The following PLEKHM2 variants were observed in gnomAD, a reference collection of about 807,000 sequenced individuals.
The protein encoded by PLEKHM2 is pleckstrin homology and RUN domain containing M2.
Under a neutral mutation model 116.3 loss-of-function variants are expected in PLEKHM2, and 77 were observed. The ratio of observed to expected loss-of-function variants is 0.66; its 90% CI spans 0.55 to 0.80. PLEKHM2 has a LOEUF of 0.80. Among genes scored for constraint, PLEKHM2 ranks in the 30% least tolerant of loss-of-function variants. PLEKHM2 has a pLI of 0.00. For synonymous variants in PLEKHM2, 562 were observed against 571.0 expected, an observed-to-expected ratio of 0.98 and a Z score of 0.22; for missense variants, 1,183 against 1,354.9, an observed-to-expected ratio of 0.87 and a Z score of 1.99.
intron 8 of PLEKHM2, among the ~76,000 whole-genome samples, chr1:15,726,426 C>T (rs1288069398): frequency 6.6e-6 from 1 of 152,172 alleles, no homozygotes; most frequent in African/African-American, 2.4e-5. Context: ...CGGGGGATTG[C>T]TCCCCAGTGA....
chr1:15,732,591 CG>C lies in PLEKHM2; in HGVS notation c.2806-16del. The stretch of plus-strand genomic sequence containing the variant: ...AGAAGGAAAGCTCTGGCTGCTCACC[CG>C]GGGGCCTGGCTCTCCCTAGGAGTTC... On this transcript the variant is annotated intron_variant, in intron 18 of 19. Transcript: ENST00000375799. The C allele has an allele frequency of 6.3e-7, 1 of 1,596,852 alleles. No individual in the cohort carries two copies.
intron 1 of PLEKHM2, among the ~76,000 whole-genome samples, chr1:15,707,951 C>T (rs553510336): frequency 1.2e-4 from 18 of 152,288 alleles, no homozygotes; most frequent in African/African-American, 4.3e-4. Context: ...GTGACGTGAT[C>T]TCAGGTCACT....
At chr1:15,687,176 G>GT (rs990688665) in intron 1 of PLEKHM2, among the ~76,000 whole-genome samples, 23 of 151,182 alleles carry the variant, frequency 1.5e-4, no homozygotes, top group African/African-American at 4.6e-4. Flanking sequence ...TTTGTTTTTT[G>GT]TTTTTTTTGA....
rs368619845 is a variant in PLEKHM2 at position 15,729,206 on chromosome 1, G to C, written c.2075+16G>C. The stretch of plus-strand genomic sequence containing the variant: ...CGCTGGCTGAGTGAGTGGCAACCCC[G>C]CCCCTCTGGAAGGATTGGAGAGTTC... On this transcript the variant is annotated intron_variant, in intron 13 of 19. Coordinates refer to ENST00000375799, the MANE Select transcript of PLEKHM2 (RefSeq NM_015164.4). This position sits in a 1 kb window ranked among gnomAD's most constrained non-coding sequence, Gnocchi z 4.7. 1.7e-5 allele frequency: 27 copies of C among 1,597,804 alleles called. No homozygotes were observed. The South Asian group carries it at 2.6e-4, about 15-fold the overall frequency.
rs1317877953 is a variant in PLEKHM2 at position 15,729,913 on chromosome 1, A to T, written c.2192A>T (p.Gln731Leu). 6.2e-7 allele frequency: 1 copy of T among 1,612,150 alleles called. No individual in the cohort carries two copies. Among genetic ancestry groups the T allele is most frequent in the Non-Finnish European group, 8.5e-7 (1 of 1,179,630 alleles). ...EKLALAKFVA[Q>L]ESKCEASAVT... ...CTGGCACTGGCCAAATTTGTGGCCC[A>T]AGAATCGAAGTGTGAGGTAAGAACC... is the stretch of plus-strand genomic sequence containing the variant. The change falls in exon 14 of 20, where the codon CAA becomes CTA. Residue 731 changes from glutamine (Q) to leucine (L), a missense_variant. Physicochemically the swap from Gln to Leu is moderately radical, Grantham distance 113 (BLOSUM62 -2). Coordinates refer to ENST00000375799, the MANE Select transcript of PLEKHM2 (RefSeq NM_015164.4). The surrounding 1 kb of genome is among the most constrained non-coding windows in gnomAD (Gnocchi z 4.7).
chr1:15,724,116 AG>A (rs1021288107), intron 7 of PLEKHM2, among the ~76,000 whole-genome samples: 16 of 152,036 alleles, frequency 1.1e-4, no homozygotes, highest in Non-Finnish European at 2.4e-4. Flanking sequence ...GGGATGTCCA[AG>A]CCAGCTCCCC....
rs1285403053 is a variant in PLEKHM2 at position 15,705,165 on chromosome 1, G to T, written c.61-11072G>T. Among the ~76,000 whole-genome samples, 12 of 133,028 alleles carry T rather than the reference G, an allele frequency of 9.0e-5. 1 individual carries two copies. Among genetic ancestry groups the T allele is most frequent in the South Asian group, 5.6e-4 (2 of 3,576 alleles). 87.3% of individuals were successfully genotyped at this position (133,028 alleles called of 152,430 possible). On this transcript the variant is annotated intron_variant, in intron 1 of 19. Coordinates refer to ENST00000375799, the MANE Select transcript of PLEKHM2 (RefSeq NM_015164.4). Reference sequence around the variant, plus strand: ...GCTGTGTCCTTGATGTCTCCACGTAGATATCTTTTTTTTTTTTTTTTTTTT... The same window carrying T: ...GCTGTGTCCTTGATGTCTCCACGTATATATCTTTTTTTTTTTTTTTTTTTT...
At chr1:15,714,135 T>G (rs1266669703) in intron 1 of PLEKHM2, among the ~76,000 whole-genome samples, 2 of 151,746 alleles carry the variant, frequency 1.3e-5, no homozygotes, top group Non-Finnish European at 2.9e-5. Context: ...GAGAACGAGG[T>G]TTCACCATCT....
intron 1 of PLEKHM2, among the ~76,000 whole-genome samples, chr1:15,693,334 C>A (rs887498334): frequency 3.9e-5 from 6 of 152,244 alleles, no homozygotes; most frequent in Non-Finnish European, 5.9e-5. Context: ...AGCCATCTCA[C>A]CCGGACCCAT....
chr1:15,730,620 C>A lies in PLEKHM2; in HGVS notation c.2297C>A (p.Ser766Ter). The change falls in exon 15 of 20, where the codon TCA becomes TAA. Residue 766 changes from serine to a stop codon, truncating the protein, a stop_gained. Transcript: ENST00000375799. LOFTEE classifies it high-confidence loss of function. ...ESLGPTPCHC[S>*]PPEGTITKEG... ...CTGGGCCCCACGCCCTGCCACTGCT[C>A]ACCCCCCGAGGGCACCATCACCAAA... 1 of 1,608,020 alleles carries A rather than the reference C, an allele frequency of 6.2e-7. No individual in the cohort carries two copies. Among genetic ancestry groups the A allele is most frequent in the Non-Finnish European group, 8.5e-7 (1 of 1,177,704 alleles).
Position 15,733,899 on chromosome 1 carries a change from T to G in PLEKHM2, c.3025T>G (p.Cys1009Gly). The G allele has an allele frequency of 6.2e-7, 1 of 1,612,828 alleles. No homozygotes were observed. The highest frequency in any genetic ancestry group is 8.5e-7 in the Non-Finnish European group (1 of 1,179,812). Residue 1009 changes from cysteine to glycine, a missense_variant, in exon 20 of 20, where the codon TGC becomes GGC. Around this residue, in one of 3 missense-constraint regions of PLEKHM2, gnomAD observed 594 missense variants for 720.1 expected, o/e 0.82. Coordinates refer to ENST00000375799, the MANE Select transcript of PLEKHM2 (RefSeq NM_015164.4). ...CGCCTGGCAGCGGAGCGACAGTCTC[T>G]GCCGCGGCCGAGCCTCCCGAGACCC... ...HSAWQRSDSL[C>G]RGRASRDPWC
chr1:15,700,428 C>T (rs1479300127), intron 1 of PLEKHM2, among the ~76,000 whole-genome samples: 6 of 152,120 alleles, frequency 3.9e-5, no homozygotes, highest in African/African-American at 9.7e-5. Context: ...AGTAGTAGGA[C>T]GCTGGCCAGA....
chr1:15,694,588 T>G (rs1374198035), intron 1 of PLEKHM2, among the ~76,000 whole-genome samples: 1 of 152,006 alleles, frequency 6.6e-6, no homozygotes, highest in Non-Finnish European at 1.5e-5. Flanking sequence ...GGCAGGTGAA[T>G]AAGGATGATT....
intron 19 of PLEKHM2, among the ~76,000 whole-genome samples, chr1:15,733,351 C>T (rs1243681993): frequency 2.0e-5 from 3 of 152,262 alleles, no homozygotes; most frequent in Non-Finnish European, 4.4e-5. Flanking sequence ...GATGGGGGGA[C>T]ACAATATTGG....
At chr1:15,688,560 G>GA in intron 1 of PLEKHM2, among the ~76,000 whole-genome samples, 1 of 151,884 alleles carries the variant, frequency 6.6e-6, no homozygotes, top group African/African-American at 2.4e-5. Flanking sequence ...GCTGAGGCAG[G>GA]GAAGCACTTG....
At chr1:15,693,466 C>T (rs564583679) in intron 1 of PLEKHM2, among the ~76,000 whole-genome samples, 11 of 152,348 alleles carry the variant, frequency 7.2e-5, no homozygotes, top group Admixed American at 2.6e-4. Flanking sequence ...AACCTGGGCT[C>T]GCTCTCTCCA....
In PLEKHM2 at chr1:15,725,408, C is replaced by T. The variant is rs1346809558; in HGVS notation, c.804C>T (p.Arg268=). 6.4e-7 allele frequency: 1 copy of T among 1,554,162 alleles called. No individual in the cohort carries two copies. Among genetic ancestry groups the T allele is most frequent in the East Asian group, 2.4e-5 (1 of 40,996 alleles). The change falls in exon 8 of 20, where the codon CGC becomes CGT. Residue 268 remains arginine (R), a synonymous_variant. Coordinates refer to ENST00000375799, the MANE Select transcript of PLEKHM2 (RefSeq NM_015164.4). ...SKASTRSPTQ[R]QNPFNEEPAE... ...CCTCCACCAGGAGCCCCACCCAGCG[C>T]CAGAACCCCTTCAACGAGGAGCCGG...
At chr1:15,713,265 C>G (rs150632278) in intron 1 of PLEKHM2, among the ~76,000 whole-genome samples, 9 of 152,068 alleles carry the variant, frequency 5.9e-5, no homozygotes, top group African/African-American at 2.2e-4. Context: ...TCCTTTTTTT[C>G]TTATTTCTTT....
upstream of PLEKHM2, chr1:15,682,953 C>T (rs1383088479): frequency 6.6e-6 from 1 of 152,218 alleles, no homozygotes; most frequent in East Asian, 1.9e-4. Context: ...AGTGCAGGGG[C>T]TTTATGAGAT....
Sources: allele counts gnomAD v4.1 joint callset (sites outside exome capture counted in the v4.1 genomes callset), GRCh38; gene constraint gnomAD v4.1.1; regional missense constraint gnomAD v4.1.1; non-coding constraint Gnocchi (gnomAD v3.1); transcripts MANE v1.5; gene names NCBI Gene and HGNC (gene_info 2026-07-23, HGNC 2026-07-21).